GRTP1: variants seen among roughly 807,000 people sequenced by gnomAD.
The protein encoded by GRTP1 is growth hormone regulated TBC protein 1, also known as growth hormone-regulated TBC protein 1.
GRTP1 carries 56 observed loss-of-function variants against 38.1 expected under a neutral mutation model. The observed-to-expected ratio is 1.47, with a 90% CI of 1.19 to 1.84. The LOEUF (loss-of-function observed/expected upper bound fraction) is 1.84, where lower values mean the gene tolerates loss of function less well. Among genes scored for constraint, GRTP1 ranks in the 40% most tolerant of loss-of-function variants. The pLI is 0.00. For synonymous variants in GRTP1, 217 were observed against 189.5 expected (o/e 1.14, Z -1.19); for missense variants, 506 against 453.9 (o/e 1.11, Z -1.04).
At position 113,332,286 on chromosome 13, in the gene GRTP1, A is replaced by ACGCACGC. The variant is rs1566417033; in HGVS notation, c.563-6196_563-6195insGCGTGCG. Among the ~76,000 whole-genome samples, 269 of 148,464 alleles carry ACGCACGC rather than the reference A, an allele frequency of 1.8e-3. 2 individuals are homozygous for ACGCACGC. Among genetic ancestry groups the ACGCACGC allele is most frequent in the African/African-American group, 6.0e-3 (236 of 39,410 alleles). ...ACCACACACAGGTACACACGTGCAC[A>ACGCACGC]CACACACCACACGTGCACACGCACG... On this transcript the variant is annotated intron_variant, in intron 5 of 7. Transcript: ENST00000375431.
intron 4 of GRTP1, among the ~76,000 whole-genome samples, 162 bp downstream of exon 4, chr13:113,350,687 C>A (rs1173707514): frequency 6.6e-6 from 1 of 152,166 alleles, no homozygotes; most frequent in African/African-American, 2.4e-5. Context: ...TGCTCCCTGT[C>A]CTCCCTGCTG....
chr13:113,324,587 A>G lies in GRTP1; in HGVS notation c.922-10T>C. The G allele has an allele frequency of 6.3e-7, 1 of 1,596,438 alleles. No individual in the cohort carries two copies. The highest frequency in any genetic ancestry group is 8.5e-7 in the Non-Finnish European group (1 of 1,171,604). ...GTTCTGAAAATATTTTCTGGAAGGCAAACAGTTAGTTTAAAAACAAACCCA... is the reference window on the plus strand; with the variant it reads ...GTTCTGAAAATATTTTCTGGAAGGCGAACAGTTAGTTTAAAAACAAACCCA... On this transcript the variant is annotated splice_polypyrimidine_tract_variant and intron_variant, in intron 7 of 7. Transcript: ENST00000375431.
At chr13:113,351,469 G>A (rs565129625) in intron 3 of GRTP1, among the ~76,000 whole-genome samples, 25 of 146,362 alleles carry the variant, frequency 1.7e-4, no homozygotes, top group African/African-American at 5.6e-4. Flanking sequence ...ACGGCTGAGA[G>A]CTGAGAGCTG....
At chr13:113,355,195 G>T in intron 3 of GRTP1, 128 bp downstream of exon 3, 2 of 850,834 alleles carry the variant, frequency 2.4e-6, no homozygotes, top group South Asian at 1.8e-5. Flanking sequence ...CATGGAGGAA[G>T]ACGTAACTTC....
intron 5 of GRTP1, among the ~76,000 whole-genome samples, chr13:113,335,060 G>A (rs1301253941): frequency 2.0e-5 from 3 of 151,124 alleles, no homozygotes; most frequent in Admixed American, 6.6e-5. Flanking sequence ...CTGACCTCGC[G>A]ATCCGCCTGC....
chr13:113,330,895 G>T (rs71446956), intron 5 of GRTP1, among the ~76,000 whole-genome samples: 21 of 738 alleles, frequency 0.028, 9 homozygotes, highest in East Asian at 0.12. Context: ...GGAAACCCGG[G>T]TGTGTGCATG....
intron 7 of GRTP1, chr13:113,324,890 G>T: frequency 1.2e-6 from 1 of 827,704 alleles, no homozygotes; most frequent in Non-Finnish European, 1.5e-6. Flanking sequence ...GCAGTGGCGC[G>T]ATCTCGGCTC....
At chr13:113,352,116 T>G (rs1257903376) in intron 3 of GRTP1, 3 of 149,556 alleles carry the variant, frequency 2.0e-5, no homozygotes, top group Non-Finnish European at 4.4e-5. Flanking sequence ...TTTCTGGAAT[T>G]CTAAACATTC....
intron 5 of GRTP1, among the ~76,000 whole-genome samples, chr13:113,341,045 C>CTT (rs533227191): frequency 3.4e-5 from 5 of 145,158 alleles, no homozygotes; most frequent in African/African-American, 7.5e-5. Flanking sequence ...ATATCTTATC[C>CTT]TTTTTTTTTT....
intron 4 of GRTP1, among the ~76,000 whole-genome samples, chr13:113,345,717 C>T (rs1410363737): frequency 6.6e-6 from 1 of 152,242 alleles, no homozygotes; most frequent in Non-Finnish European, 1.5e-5. Context: ...AGCGCGGCGG[C>T]TTCAGTCACA....
intron 5 of GRTP1, among the ~76,000 whole-genome samples, chr13:113,340,162 C>T (rs2043006738): frequency 6.6e-6 from 1 of 151,432 alleles, no homozygotes. Context: ...GCATGCACCA[C>T]CCAAAGTGCT....
Position 113,350,847 on chromosome 13 carries a change from A to C in GRTP1, c.465+2T>G, listed in dbSNP as rs754672183. ...ATGGCGTCAGAGGGTCCCGAGGCTC[A>C]CCTGGCAGTAGCCCACTCCCTGGTT... On this transcript the variant is annotated splice_donor_variant, in intron 4 of 7. Coordinates refer to ENST00000375431, the MANE Select transcript of GRTP1 (RefSeq NM_024719.4). LOFTEE classifies it high-confidence loss of function. 1.5e-5 allele frequency: 23 copies of C among 1,566,248 alleles called. No homozygotes were observed. Among genetic ancestry groups the C allele is most frequent in the Non-Finnish European group, 1.6e-5 (18 of 1,148,116 alleles).
chr13:113,325,887 C>T (rs748387542), intron 6 of GRTP1, 32 bp downstream of exon 6: 27 of 1,613,660 alleles, frequency 1.7e-5, no homozygotes, highest in South Asian at 5.5e-5. Context: ...CCTGGCGGCC[C>T]GCCCGCCCCA....
Position 113,325,539 on chromosome 13 carries a change from C to A in GRTP1, c.921+122G>T, listed in dbSNP as rs1193249115. On this transcript the variant is annotated intron_variant, in intron 7 of 7. Coordinates refer to ENST00000375431, the MANE Select transcript of GRTP1 (RefSeq NM_024719.4). ...ATGCAGGACAGAGCTGGAGGCTCAT[C>A]CTGTGCCCTATGCCCACTGGTGCCC... 4 of 1,561,774 alleles carry A rather than the reference C, an allele frequency of 2.6e-6. No individual in the cohort carries two copies. The African/African-American group carries it at 5.4e-5, about 21-fold the overall frequency.
At chr13:113,353,858 C>T in intron 3 of GRTP1, among the ~76,000 whole-genome samples, 1 of 152,050 alleles carries the variant, frequency 6.6e-6, no homozygotes, top group East Asian at 1.9e-4. Context: ...TCCTCAGAGC[C>T]CGGGAGTTCA....
chr13:113,358,024 A>T (rs2043427559), intron 2 of GRTP1, among the ~76,000 whole-genome samples: 1 of 152,144 alleles, frequency 6.6e-6, no homozygotes, highest in South Asian at 2.1e-4. Flanking sequence ...ACTAAAAAAA[A>T]TACAAAAATT....
chr13:113,338,840 T>G (rs2042990039), intron 5 of GRTP1, among the ~76,000 whole-genome samples: 1 of 152,180 alleles, frequency 6.6e-6, no homozygotes, highest in Admixed American at 6.5e-5. Context: ...CGGTCTCTAT[T>G]TTGTAAATTG....
intron 5 of GRTP1, among the ~76,000 whole-genome samples, chr13:113,338,529 A>C (rs2042985143): frequency 6.6e-6 from 1 of 152,058 alleles, no homozygotes; most frequent in Non-Finnish European, 1.5e-5. Flanking sequence ...GAGGCCTGAG[A>C]TGGGATCTCA....
At chr13:113,331,988 G>GA (rs2042877963) in intron 5 of GRTP1, among the ~76,000 whole-genome samples, 1 of 151,196 alleles carries the variant, frequency 6.6e-6, no homozygotes, top group Admixed American at 6.6e-5. Context: ...GGTATTTTGG[G>GA]CCGGGTGCCA....
Sources: gnomAD v4.1 joint callset for allele counts (sites outside exome capture counted in the v4.1 genomes callset) on GRCh38, gnomAD v4.1.1 for gene constraint, MANE v1.5 for transcripts, NCBI Gene and HGNC (gene_info 2026-07-23, HGNC 2026-07-21) for gene names.